Variants in WDR33 observed in about 807,000 individuals in gnomAD.
WDR33 encodes pre-mRNA 3' end processing protein WDR33.
A neutral mutation model predicts 164.9 loss-of-function variants in WDR33; 47 were observed. The observed-to-expected ratio is 0.29, with a 90% CI of 0.23 to 0.36. The LOEUF (loss-of-function observed/expected upper bound fraction) is 0.36, where lower values mean the gene tolerates loss of function less well. WDR33 is among the 10% of genes least tolerant of loss of function. The pLI is 1.00. For synonymous variants in WDR33, 505 were observed against 589.0 expected, an observed-to-expected ratio of 0.86 and a Z score of 2.06; for missense variants, 1,137 against 1,754.1, an observed-to-expected ratio of 0.65 and a Z score of 6.28.
chr2:127,750,771 TACAC>T (rs1687334047), intron 7 of WDR33, among the ~76,000 whole-genome samples: 1 of 136,220 alleles, frequency 7.3e-6, no homozygotes, highest in African/African-American at 2.7e-5. Context: ...TACATATATA[TACAC>T]ATATATATAC....
At chr2:127,783,896 G>A (rs553242717) in intron 1 of WDR33, among the ~76,000 whole-genome samples, 81 of 151,634 alleles carry the variant, frequency 5.3e-4, no homozygotes, top group African/African-American at 1.8e-3. Context: ...GTGAGCCACC[G>A]CACCTGGCCA....
Position 127,701,866 on chromosome 2 carries a change from C to T in WDR33, c.*4457G>A. On this transcript the variant is annotated 3_prime_UTR_variant, in exon 22 of 22. Transcript: ENST00000322313. Reference sequence around the variant, plus strand: ...GCGCGCAAGTTCGCGCTGCTCTGGTCACTGGGCTCGGCGCTGGCGTTGGCG... The same window carrying T: ...GCGCGCAAGTTCGCGCTGCTCTGGTTACTGGGCTCGGCGCTGGCGTTGGCG... 6.8e-7 allele frequency: 1 copy of T among 1,460,592 alleles called. No individual in the cohort carries two copies. Among genetic ancestry groups the T allele is most frequent in the East Asian group, 3.1e-5 (1 of 32,524 alleles). 90.5% of individuals were successfully genotyped at this position (1,460,592 alleles called of 1,614,324 possible). A position where few individuals can be genotyped will look rare whatever the true frequency, so the allele number is the denominator to read the frequency against.
In WDR33 at chr2:127,702,113, G is replaced by T; in HGVS notation, c.*4210C>A. On this transcript the variant is annotated 3_prime_UTR_variant, in exon 22 of 22. Coordinates refer to ENST00000322313, the MANE Select transcript of WDR33 (RefSeq NM_018383.5). ...TGCTGCCCTGGGGCGGCGGCACCGC[G>T]CTGCGCCTCGCACTGGGTCGCCTGG... The T allele has an allele frequency of 8.2e-7, 1 of 1,217,876 alleles. No homozygotes were observed. Among genetic ancestry groups the T allele is most frequent in the Non-Finnish European group, 1.0e-6 (1 of 980,982 alleles). The allele number at this position is 1,217,876 out of a possible 1,614,324, so 75.4% of individuals were successfully genotyped here.
intron 7 of WDR33, among the ~76,000 whole-genome samples, chr2:127,757,371 A>C (rs1687549595): frequency 6.6e-6 from 1 of 152,226 alleles, no homozygotes; most frequent in Non-Finnish European, 1.5e-5. Context: ...TGTTTAAATA[A>C]TGTGCTTTAG....
intron 7 of WDR33, among the ~76,000 whole-genome samples, chr2:127,749,636 T>C (rs12997112): frequency 0.14 from 19,510 of 141,168 alleles, 1,408 homozygotes; most frequent in South Asian, 0.26. Flanking sequence ...CACTCCAGCC[T>C]GGGCAACAGA....
At position 127,726,750 on chromosome 2, in the gene WDR33, T is replaced by A. The variant is rs1420282150; in HGVS notation, c.752A>T (p.Asp251Val). Residue 251 changes from aspartate to valine, a missense_variant, in exon 8 of 22, where the codon GAC becomes GTC. Around this residue, in one of 9 missense-constraint regions of WDR33, gnomAD observed 83 missense variants for 189.2 expected, o/e 0.44. Coordinates refer to ENST00000322313, the MANE Select transcript of WDR33 (RefSeq NM_018383.5). The surrounding 1 kb of genome is among the most constrained non-coding windows in gnomAD (Gnocchi z 4.8). ...RGHGADVKCV[D>V]WHPTKGLVVS... Reference sequence around the variant, plus strand: ...AACTAACCCTTTGGTTGGATGCCAGTCTACACATTTCACATCAGCACCATG... The same window carrying A: ...AACTAACCCTTTGGTTGGATGCCAGACTACACATTTCACATCAGCACCATG... 6.2e-7 allele frequency: 1 copy of A among 1,614,194 alleles called. No individual in the cohort carries two copies. Among genetic ancestry groups the A allele is most frequent in the South Asian group, 1.1e-5 (1 of 91,088 alleles).
intron 1 of WDR33, among the ~76,000 whole-genome samples, chr2:127,785,907 G>C (rs1688548021): frequency 6.6e-6 from 1 of 152,242 alleles, no homozygotes; most frequent in Non-Finnish European, 1.5e-5. Context: ...ATATTCTAAA[G>C]TAGGTGTACC....
chr2:127,732,870 A>G (rs1686745222), intron 7 of WDR33, among the ~76,000 whole-genome samples: 1 of 152,244 alleles, frequency 6.6e-6, no homozygotes, highest in South Asian at 2.1e-4. Context: ...ATGGTTTATT[A>G]ATTTCAAACA....
At chr2:127,786,792 A>G (rs1688590266) in intron 1 of WDR33, among the ~76,000 whole-genome samples, 1 of 151,440 alleles carries the variant, frequency 6.6e-6, no homozygotes. Context: ...GATTTTCTAA[A>G]TAGACATATA....
chr2:127,701,211 C>G lies in WDR33; in HGVS notation c.*5112G>C. On this transcript the variant is annotated 3_prime_UTR_variant, in exon 22 of 22. Transcript: ENST00000322313. ...AGCAAAAGGGTCACTTCTTGTGCCC[C>G]TTTAGAACCACACCCACCCCTGCCT... The G allele has an allele frequency of 4.5e-6, 1 of 222,284 alleles. No individual in the cohort carries two copies. The highest frequency in any genetic ancestry group is 8.8e-6 in the Non-Finnish European group (1 of 114,150). 13.8% of individuals were successfully genotyped at this position (222,284 alleles called of 1,614,324 possible).
chr2:127,803,775 TG>T (rs1425622293), intron 1 of WDR33, among the ~76,000 whole-genome samples: 2 of 151,648 alleles, frequency 1.3e-5, no homozygotes, highest in Non-Finnish European at 2.9e-5. Flanking sequence ...AAGAAGGACT[TG>T]GGTTATTGTT....
intron 7 of WDR33, among the ~76,000 whole-genome samples, chr2:127,761,924 G>GGCT (rs1486401673): frequency 6.6e-6 from 1 of 152,236 alleles, no homozygotes; most frequent in East Asian, 1.9e-4. Flanking sequence ...TGAAGCAAAT[G>GGCT]TGATGGAAGA....
chr2:127,788,249 A>ACC (rs573765607), intron 1 of WDR33, among the ~76,000 whole-genome samples: 5 of 52,476 alleles, frequency 9.5e-5, no homozygotes, highest in African/African-American at 4.3e-4. Context: ...CAGGGGGCTG[A>ACC]CCCCCCCCAC....
In WDR33 at chr2:127,785,893, A is replaced by C. The variant is rs192458251; in HGVS notation, c.-23-14889T>G. Among the ~76,000 whole-genome samples the C allele has an allele frequency of 2.9e-3, 447 of 152,324 alleles. 4 individuals are homozygous for C. Among genetic ancestry groups the C allele is most frequent in the South Asian group, 0.015 (73 of 4,824 alleles). ...TGCTTGGTTTTGTAAGAAACTGCCTAACTATATTCTAAAGTAGGTGTACCA... is the reference window on the plus strand; with the variant it reads ...TGCTTGGTTTTGTAAGAAACTGCCTCACTATATTCTAAAGTAGGTGTACCA... On this transcript the variant is annotated intron_variant, in intron 1 of 21. Transcript: ENST00000322313.
chr2:127,807,060 C>A (rs1689463399), intron 1 of WDR33, among the ~76,000 whole-genome samples: 2 of 152,000 alleles, frequency 1.3e-5, no homozygotes, highest in Non-Finnish European at 2.9e-5. Context: ...GGCTGAAGTA[C>A]AATGCGCAAT....
At chr2:127,746,766 C>T (rs1687179844) in intron 7 of WDR33, among the ~76,000 whole-genome samples, 1 of 152,240 alleles carries the variant, frequency 6.6e-6, no homozygotes, top group Admixed American at 6.5e-5. Flanking sequence ...GGTTTAACAA[C>T]ATTAATAATT....
Position 127,722,478 on chromosome 2 carries a change from G to C in WDR33, c.1518+113C>G. The C allele has an allele frequency of 1.4e-6, 2 of 1,426,368 alleles. No homozygotes were observed. The highest frequency in any genetic ancestry group is 1.9e-6 in the Non-Finnish European group (2 of 1,056,106). The allele number at this position is 1,426,368 out of a possible 1,614,324, so 88.4% of individuals were successfully genotyped here. A position where few individuals can be genotyped will look rare whatever the true frequency, so the allele number is the denominator to read the frequency against. ...CCATGTCTAAGAGTACGTGAACATG[G>C]GAAAAATGCTCCAGTACAGAAACAC... On this transcript the variant is annotated intron_variant, in intron 14 of 21. Transcript: ENST00000322313. The surrounding 1 kb of genome is among the most constrained non-coding windows in gnomAD (Gnocchi z 5.1).
Position 127,702,895 on chromosome 2 carries a change from C to A in WDR33, c.*3428G>T, listed in dbSNP as rs1388061979. The stretch of plus-strand genomic sequence containing the variant: ...CTTAACGGTCTCTTCGGAAATCCTG[C>A]AAATAGAAAGATAATTCTAGATCCG... On this transcript the variant is annotated 3_prime_UTR_variant, in exon 22 of 22. Coordinates refer to ENST00000322313, the MANE Select transcript of WDR33 (RefSeq NM_018383.5). 3 of 166,838 alleles carry A rather than the reference C, an allele frequency of 1.8e-5. No homozygotes were observed. Among genetic ancestry groups the A allele is most frequent in the Non-Finnish European group, 4.4e-5 (3 of 68,090 alleles). 10.3% of individuals were successfully genotyped at this position (166,838 alleles called of 1,614,324 possible).
chr2:127,780,744 G>A (rs1688343067), intron 1 of WDR33, among the ~76,000 whole-genome samples: 1 of 152,182 alleles, frequency 6.6e-6, no homozygotes, highest in Admixed American at 6.5e-5. Flanking sequence ...GGCTGAAGCA[G>A]GAGGATCCCT....
Sources: allele counts gnomAD v4.1 joint callset (sites outside exome capture counted in the v4.1 genomes callset), GRCh38; gene constraint gnomAD v4.1.1; regional missense constraint gnomAD v4.1.1; non-coding constraint Gnocchi (gnomAD v3.1); transcripts MANE v1.5; gene names NCBI Gene and HGNC (gene_info 2026-07-23, HGNC 2026-07-21).